The following ARID1B variants were observed in gnomAD, a reference collection of about 807,000 sequenced individuals.
ARID1B encodes the protein AT-rich interactive domain-containing protein 1B.
In ARID1B, 30 loss-of-function variants were observed where a neutral mutation model predicts 212.3. The ratio of observed to expected loss-of-function variants is 0.14; its 90% confidence interval spans 0.11 to 0.19. ARID1B has a LOEUF of 0.19. Among genes scored for constraint, ARID1B ranks in the 10% least tolerant of loss-of-function variants. The pLI is 1.00. For missense variants in ARID1B, 2,891 were observed against 3,204.0 expected, an observed-to-expected ratio of 0.90 and a Z score of 2.36; for synonymous variants, 1,402 against 1,301.7, an observed-to-expected ratio of 1.08 and a Z score of -1.66.
At chr6:157,022,357 A>AT (rs1236196331) in intron 4 of ARID1B, 1 of 152,292 alleles carries the variant, frequency 6.6e-6, no homozygotes, top group Non-Finnish European at 1.5e-5. Context: ...AACTCACAGC[A>AT]TTTTTTAAAA....
At chr6:157,068,305 A>C (rs181912781) in intron 4 of ARID1B, among the ~76,000 whole-genome samples, 3 of 152,358 alleles carry the variant, frequency 2.0e-5, no homozygotes, top group Admixed American at 2.0e-4. Context: ...TGCACAGGTC[A>C]GGTAGGCACA....
In ARID1B at chr6:157,202,746, TATAA is replaced by T. The variant is rs1161586958; in HGVS notation, c.5264-1116_5264-1113del. On this transcript the variant is annotated intron_variant, in intron 18 of 19. Transcript: ENST00000636930. The stretch of plus-strand genomic sequence containing the variant: ...CCCTTTATATATATATATAGATAGA[TATAA>T]ATATAGATATATAGATATATATAGA... 3.3e-5 allele frequency among the ~76,000 whole-genome samples: 5 copies of T among 150,034 alleles called. No homozygotes were observed. In the South Asian group the frequency reaches 6.3e-4, roughly 19 times the overall value.
intron 1 of ARID1B, among the ~76,000 whole-genome samples, chr6:156,822,858 G>A (rs1341741878): frequency 1.3e-5 from 2 of 152,188 alleles, no homozygotes; most frequent in African/African-American, 2.4e-5. Context: ...GTGTGCGAGG[G>A]AGGAAGACAG....
At position 157,083,110 on chromosome 6, in the gene ARID1B, A is replaced by T. The variant is rs576593333; in HGVS notation, c.2248-1552A>T. Among the ~76,000 whole-genome samples the T allele has an allele frequency of 3.3e-5, 5 of 152,084 alleles. No individual in the cohort carries two copies. In the East Asian group the frequency reaches 7.7e-4, roughly 23 times the overall value. ...TGCTTTTTTTTGTACTTTCTGGTCT[A>T]GGTTTACTCTTAGAATCTTAGCATT... is the stretch of plus-strand genomic sequence containing the variant. On this transcript the variant is annotated intron_variant, in intron 4 of 19. Transcript: ENST00000636930.
At chr6:156,963,575 AGTT>A (rs777333838) in intron 4 of ARID1B, among the ~76,000 whole-genome samples, 4 of 152,216 alleles carry the variant, frequency 2.6e-5, no homozygotes, top group Non-Finnish European at 4.4e-5. Context: ...TGCTTAATTT[AGTT>A]GTCTTTTTTG....
At chr6:157,158,580 C>CT (rs1455599399) in intron 8 of ARID1B, among the ~76,000 whole-genome samples, 2 of 152,204 alleles carry the variant, frequency 1.3e-5, no homozygotes, top group African/African-American at 4.8e-5. Context: ...GTTACCTACT[C>CT]TGAGTATTGC....
At chr6:156,854,543 C>T (rs1347581482) in intron 2 of ARID1B, among the ~76,000 whole-genome samples, 1 of 152,220 alleles carries the variant, frequency 6.6e-6, no homozygotes, top group Non-Finnish European at 1.5e-5. Flanking sequence ...TCTCTAGACC[C>T]AGGGAACATG....
chr6:156,943,650 CTGTGCATA>C (rs1267542278), intron 4 of ARID1B: 1 of 152,190 alleles, frequency 6.6e-6, no homozygotes, highest in Non-Finnish European at 1.5e-5. Context: ...ATGCATGCAT[CTGTGCATA>C]TGGTACGTGT....
At chr6:156,852,363 C>CT (rs1784636667) in intron 2 of ARID1B, among the ~76,000 whole-genome samples, 1 of 151,820 alleles carries the variant, frequency 6.6e-6, no homozygotes, top group South Asian at 2.1e-4. Flanking sequence ...TGGGAGGACC[C>CT]TTTGAGCTCA....
chr6:156,879,181 A>G (rs936799840), intron 2 of ARID1B, among the ~76,000 whole-genome samples: 1 of 152,178 alleles, frequency 6.6e-6, no homozygotes, highest in African/African-American at 2.4e-5. Context: ...AAGGACTGAG[A>G]TGTGTACTAG....
intron 8 of ARID1B, chr6:157,150,810 G>A (rs1790142224): frequency 5.5e-6 from 1 of 182,962 alleles, no homozygotes; most frequent in Non-Finnish European, 1.2e-5. Context: ...CCCCAACTAT[G>A]GCAACTCTCA....
intron 7 of ARID1B, among the ~76,000 whole-genome samples, chr6:157,144,176 A>G (rs773487108): frequency 2.2e-4 from 33 of 152,210 alleles, no homozygotes; most frequent in Non-Finnish European, 3.7e-4. Flanking sequence ...CTTTGTGTTC[A>G]TTAAGATACA....
chr6:157,118,289 G>A (rs891602499), intron 6 of ARID1B, among the ~76,000 whole-genome samples: 2 of 152,152 alleles, frequency 1.3e-5, no homozygotes, highest in African/African-American at 4.8e-5. Flanking sequence ...CTTTCTATTG[G>A]ATTCCCGGTT....
Position 157,200,577 on chromosome 6 carries a change from T to C in ARID1B, c.4480-128T>C. On this transcript the variant is annotated intron_variant, in intron 17 of 19. Transcript: ENST00000636930. The surrounding 1 kb of genome is among the most constrained non-coding windows in gnomAD (Gnocchi z 4.3). Reference sequence around the variant, plus strand: ...AACATAAATTGTTAGTTCTCTGTTGTTATAGGAGCTTCCCATATTCATTTT... The same window carrying C: ...AACATAAATTGTTAGTTCTCTGTTGCTATAGGAGCTTCCCATATTCATTTT... The C allele has an allele frequency of 9.7e-7, 1 of 1,035,810 alleles. No homozygotes were observed. The highest frequency in any genetic ancestry group is 1.4e-6 in the Non-Finnish European group (1 of 726,928). The allele number at this position is 1,035,810 out of a possible 1,614,324, so 64.2% of individuals were successfully genotyped here. A position where few individuals can be genotyped will look rare whatever the true frequency, so the allele number is the denominator to read the frequency against.
intron 4 of ARID1B, chr6:157,024,773 A>C (rs1270689207): frequency 6.6e-6 from 1 of 152,040 alleles, no homozygotes; most frequent in Admixed American, 6.5e-5. Context: ...TCTGTAAAAC[A>C]AAACAAAAAA....
At chr6:157,104,106 A>G (rs9480435) in intron 5 of ARID1B, among the ~76,000 whole-genome samples, 9,931 of 152,256 alleles carry the variant, frequency 0.065, 482 homozygotes, top group East Asian at 0.26. Flanking sequence ...AAGTGCTGGG[A>G]TTATAGGCGT....
At chr6:156,880,753 A>G (rs1312071267) in intron 2 of ARID1B, among the ~76,000 whole-genome samples, 3 of 95,588 alleles carry the variant, frequency 3.1e-5, no homozygotes, top group Non-Finnish European at 7.0e-5. Context: ...AAAAAAAAAA[A>G]AAAAAAAAAA....
chr6:156,856,743 A>G (rs976706448), intron 2 of ARID1B, among the ~76,000 whole-genome samples: 1 of 94,388 alleles, frequency 1.1e-5, no homozygotes, highest in African/African-American at 4.0e-5. Flanking sequence ...CACACACACA[A>G]ACTGATGTTG....
Position 157,206,040 on chromosome 6 carries a change from G to T in ARID1B, c.5395-127G>T. ...TTATCTTTCATGGTCCAGCCAAAAA[G>T]GGAGACAAACGTGTGACAATGATGG... is the stretch of plus-strand genomic sequence containing the variant. On this transcript the variant is annotated intron_variant, in intron 19 of 19. Transcript: ENST00000636930. This position sits in a 1 kb window ranked among gnomAD's most constrained non-coding sequence, Gnocchi z 6.8. The T allele has an allele frequency of 4.6e-6, 5 of 1,093,842 alleles. No individual in the cohort carries two copies. Among genetic ancestry groups the T allele is most frequent in the Non-Finnish European group, 6.6e-6 (5 of 759,822 alleles). 67.8% of individuals were successfully genotyped at this position (1,093,842 alleles called of 1,614,324 possible).
Sources: gnomAD v4.1 joint callset for allele counts (sites outside exome capture counted in the v4.1 genomes callset) on GRCh38, gnomAD v4.1.1 for gene constraint, Gnocchi (gnomAD v3.1) non-coding constraint, MANE v1.5 for transcripts, NCBI Gene and HGNC (gene_info 2026-07-23, HGNC 2026-07-21) for gene names.